DPP10: variants seen among roughly 807,000 people sequenced by gnomAD.
DPP10 encodes dipeptidyl peptidase like 10, also known as inactive dipeptidyl peptidase 10.
Under a neutral mutation model 120.9 loss-of-function variants are expected in DPP10, and 33 were observed. The ratio of observed to expected loss-of-function variants is 0.27; its 90% CI spans 0.21 to 0.37. The LOEUF (loss-of-function observed/expected upper bound fraction) is 0.37, where lower values mean the gene tolerates loss of function less well. Among genes scored for constraint, DPP10 ranks in the 10% least tolerant of loss-of-function variants. DPP10 has a pLI of 1.00. For synonymous variants in DPP10, 337 were observed against 326.1 expected (o/e 1.03, Z -0.36); for missense variants, 816 against 942.8 (o/e 0.87, Z 1.76).
At chr2:115,672,062 T>A (rs2089919371) in intron 5 of DPP10, among the ~76,000 whole-genome samples, 1 of 152,220 alleles carries the variant, frequency 6.6e-6, no homozygotes, top group African/African-American at 2.4e-5. Context: ...TATTGACAGC[T>A]GAGAACAGTT....
At chr2:114,868,952 T>C (rs548762044) in intron 1 of DPP10, among the ~76,000 whole-genome samples, 2 of 152,228 alleles carry the variant, frequency 1.3e-5, no homozygotes, top group African/African-American at 4.8e-5. Flanking sequence ...GAAATAAGAA[T>C]GCCTACCTCA....
chr2:115,604,113 G>T (rs2149227161), intron 5 of DPP10, among the ~76,000 whole-genome samples: 1 of 147,420 alleles, frequency 6.8e-6, no homozygotes, highest in South Asian at 2.1e-4. Context: ...TTTTAAGATG[G>T]TAGCTTTTGA....
chr2:115,255,578 TC>T (rs1371289369), intron 1 of DPP10, among the ~76,000 whole-genome samples: 1 of 152,216 alleles, frequency 6.6e-6, no homozygotes, highest in Non-Finnish European at 1.5e-5. Context: ...CTGCAAATTT[TC>T]CAAACTTTTA....
intron 1 of DPP10, among the ~76,000 whole-genome samples, chr2:115,198,030 C>G (rs1277219601): frequency 2.0e-5 from 3 of 152,178 alleles, no homozygotes; most frequent in African/African-American, 7.2e-5. Flanking sequence ...TTCTAATTGA[C>G]TTAGAGCATT....
intron 1 of DPP10, among the ~76,000 whole-genome samples, chr2:114,635,609 G>A (rs1456460536): frequency 1.3e-5 from 2 of 151,780 alleles, no homozygotes; most frequent in Non-Finnish European, 2.9e-5. Context: ...TAGAGAGTTT[G>A]TTATATTGGT....
chr2:115,423,385 G>A (rs1295580733), intron 3 of DPP10, among the ~76,000 whole-genome samples: 1 of 152,096 alleles, frequency 6.6e-6, no homozygotes, highest in Non-Finnish European at 1.5e-5. Context: ...ATTTAAGGAA[G>A]TAGCATAAGA....
chr2:115,346,467 G>A (rs112612766), intron 3 of DPP10, among the ~76,000 whole-genome samples: 23 of 152,170 alleles, frequency 1.5e-4, no homozygotes, highest in African/African-American at 5.3e-4. Flanking sequence ...GTGAGGCGAT[G>A]CCATTCATTA....
At chr2:114,938,429 TATA>T (rs774614829) in intron 1 of DPP10, among the ~76,000 whole-genome samples, 11 of 152,240 alleles carry the variant, frequency 7.2e-5, no homozygotes, top group Admixed American at 3.3e-4. Context: ...AGAAGATAAA[TATA>T]ATAAAACATA....
chr2:115,667,025 C>T (rs1001406227), intron 5 of DPP10, among the ~76,000 whole-genome samples: 1 of 152,048 alleles, frequency 6.6e-6, no homozygotes, highest in Non-Finnish European at 1.5e-5. Flanking sequence ...TTTCCTGAGA[C>T]CTCTCCAGCC....
chr2:115,790,864 C>T lies in DPP10; in HGVS notation c.1532-217C>T, dbSNP rs113521817. Among the ~76,000 whole-genome samples, 318 of 152,140 alleles carry T rather than the reference C, an allele frequency of 2.1e-3. 1 individual carries two copies. Among genetic ancestry groups the T allele is most frequent in the African/African-American group, 7.3e-3 (302 of 41,522 alleles). On this transcript the variant is annotated intron_variant, in intron 17 of 25. Coordinates refer to ENST00000410059, the MANE Select transcript of DPP10 (RefSeq NM_020868.6). Reference sequence around the variant, plus strand: ...TATGATCAGATTTGCATTTTGAAAACGTAAATGATAAATTTAATATAGAAG... The same window carrying T: ...TATGATCAGATTTGCATTTTGAAAATGTAAATGATAAATTTAATATAGAAG...
chr2:115,247,911 T>A (rs749404993), intron 1 of DPP10, among the ~76,000 whole-genome samples: 1 of 152,156 alleles, frequency 6.6e-6, no homozygotes, highest in East Asian at 1.9e-4. Context: ...AGCCTTCTTA[T>A]ATGACTCACC....
chr2:115,108,193 A>T (rs1368008753), intron 1 of DPP10, among the ~76,000 whole-genome samples: 1 of 152,222 alleles, frequency 6.6e-6, no homozygotes, highest in Non-Finnish European at 1.5e-5. Flanking sequence ...TAGATGAAAT[A>T]TGCAGGGAAA....
intron 1 of DPP10, among the ~76,000 whole-genome samples, chr2:115,007,143 A>T (rs1299908724): frequency 6.6e-6 from 1 of 152,210 alleles, no homozygotes; most frequent in Non-Finnish European, 1.5e-5. Flanking sequence ...AAATGAAGGC[A>T]TCCTTGATGA....
At position 114,942,400 on chromosome 2, in the gene DPP10, C is replaced by CATATAT. The variant is rs1489821887; in HGVS notation, c.61-366838_61-366837insTATATA. ...ACACATATATATATATACACACACA[C>CATATAT]ACATATATATATATATATATATGAT... On this transcript the variant is annotated intron_variant, in intron 1 of 25. Transcript: ENST00000410059. Among the ~76,000 whole-genome samples, 576 of 99,356 alleles carry CATATAT rather than the reference C, an allele frequency of 5.8e-3. 5 individuals are homozygous for CATATAT. The highest frequency in any genetic ancestry group is 0.037 in the East Asian group (155 of 4,182). The allele number at this position is 99,356 out of a possible 152,430, so 65.2% of individuals were successfully genotyped here.
chr2:115,539,871 A>C (rs2148958612), intron 5 of DPP10, among the ~76,000 whole-genome samples: 1 of 151,948 alleles, frequency 6.6e-6, no homozygotes, highest in South Asian at 2.1e-4. Context: ...CAGAAGTAAT[A>C]TTTGCTAATA....
intron 3 of DPP10, among the ~76,000 whole-genome samples, chr2:115,404,291 C>T (rs761970504): frequency 6.6e-6 from 1 of 152,068 alleles, no homozygotes; most frequent in Non-Finnish European, 1.5e-5. Flanking sequence ...GACCACATCT[C>T]ATAAAAACAC....
At position 114,688,222 on chromosome 2, in the gene DPP10, C is replaced by T. The variant is rs919952592; in HGVS notation, c.60+245384C>T. On this transcript the variant is annotated intron_variant, in intron 1 of 25. Transcript: ENST00000410059. The stretch of plus-strand genomic sequence containing the variant: ...CACGTGGAGAAGAGGGTGGGGCTAG[C>T]CTGTGGAAAGTCACAGAGATACAAT... 2.6e-5 allele frequency among the ~76,000 whole-genome samples: 4 copies of T among 151,866 alleles called. No individual in the cohort carries two copies. In the East Asian group the frequency reaches 5.8e-4, roughly 22 times the overall value.
intron 1 of DPP10, among the ~76,000 whole-genome samples, chr2:114,682,770 GTCTATCTATCTATCTATCTA>G (rs72471562): frequency 6.7e-5 from 10 of 149,598 alleles, no homozygotes; most frequent in African/African-American, 2.2e-4. Context: ...CTATCTGTCT[GTCTATCTATCTATCTATCTA>G]TCTATCTATC....
intron 5 of DPP10, among the ~76,000 whole-genome samples, chr2:115,544,894 A>G (rs2079406125): frequency 6.6e-6 from 1 of 152,102 alleles, no homozygotes; most frequent in Non-Finnish European, 1.5e-5. Flanking sequence ...TGTTTGTTAA[A>G]TACAGAAAAG....
Sources: gnomAD v4.1 joint callset for allele counts (sites outside exome capture counted in the v4.1 genomes callset) on GRCh38, gnomAD v4.1.1 for gene constraint, MANE v1.5 for transcripts, NCBI Gene and HGNC (gene_info 2026-07-23, HGNC 2026-07-21) for gene names.